The following CSMD1 variants were observed in gnomAD, a reference collection of about 807,000 sequenced individuals.
The protein encoded by CSMD1 is CUB and Sushi multiple domains 1, also known as CUB and sushi domain-containing protein 1.
CSMD1 carries 213 observed loss-of-function variants against 417.5 expected under a neutral mutation model. The ratio of observed to expected loss-of-function variants is 0.51; its 90% confidence interval spans 0.46 to 0.57. The LOEUF is 0.57. CSMD1 is among the 20% of genes least tolerant of loss of function. The probability of loss-of-function intolerance (pLI) is 0.00; values close to 1 mark genes in which losing one functional copy is unlikely to be tolerated. For missense variants in CSMD1, 6,923 were observed against 4,529.7 expected, an observed-to-expected ratio of 1.53 and a Z score of -15.17; for synonymous variants, 2,862 against 1,736.8, an observed-to-expected ratio of 1.65 and a Z score of -16.11.
intron 40 of CSMD1, among the ~76,000 whole-genome samples, chr8:3,150,973 A>G (rs938862583): frequency 6.6e-6 from 1 of 152,328 alleles, no homozygotes; most frequent in Non-Finnish European, 1.5e-5. Flanking sequence ...TGTATAAAAC[A>G]ATACTATTTC....
chr8:3,936,867 G>A (rs547569782), intron 5 of CSMD1, among the ~76,000 whole-genome samples: 1 of 152,100 alleles, frequency 6.6e-6, no homozygotes. Context: ...AGCTAGACAA[G>A]GTAAAACAAA....
chr8:3,702,902 G>C (rs1194162451), intron 7 of CSMD1, among the ~76,000 whole-genome samples: 1 of 152,170 alleles, frequency 6.6e-6, no homozygotes, highest in Non-Finnish European at 1.5e-5. Flanking sequence ...TCAGAATAAA[G>C]AGCAGTTCAC....
chr8:4,031,807 T>G, intron 4 of CSMD1, 98 bp downstream of exon 4: 1 of 870,864 alleles, frequency 1.1e-6, no homozygotes, highest in Non-Finnish European at 1.7e-6. Context: ...CAGCTCAACA[T>G]GTATTATTTT....
chr8:4,282,257 T>C (rs1295952770), intron 3 of CSMD1, among the ~76,000 whole-genome samples: 1 of 152,172 alleles, frequency 6.6e-6, no homozygotes, highest in Non-Finnish European at 1.5e-5. Context: ...GTGAATATAA[T>C]CCATGTGAAC....
At chr8:4,490,720 A>G (rs1801655792) in intron 2 of CSMD1, among the ~76,000 whole-genome samples, 1 of 152,194 alleles carries the variant, frequency 6.6e-6, no homozygotes, top group Admixed American at 6.5e-5. Context: ...ATGGGAGACA[A>G]CAGAGGCCAG....
chr8:3,585,422 C>T (rs1251100172), intron 9 of CSMD1, among the ~76,000 whole-genome samples: 2 of 151,998 alleles, frequency 1.3e-5, no homozygotes, highest in Non-Finnish European at 2.9e-5. Flanking sequence ...CATTTTATGG[C>T]CAAAATTCAA....
intron 2 of CSMD1, among the ~76,000 whole-genome samples, chr8:4,438,339 G>A (rs1394550679): frequency 4.6e-5 from 7 of 152,176 alleles, no homozygotes; most frequent in Admixed American, 2.0e-4. Context: ...TCCAGTCTCT[G>A]AACTCTGTCC....
At chr8:4,788,074 A>G (rs879044765) in intron 1 of CSMD1, 8 of 1,600,560 alleles carry the variant, frequency 5.0e-6, no homozygotes, top group African/African-American at 1.3e-5. Flanking sequence ...GTTGCAGAGA[A>G]AGTAGAGTTG....
At chr8:3,565,748 G>C (rs1028876799) in intron 10 of CSMD1, among the ~76,000 whole-genome samples, 2 of 152,050 alleles carry the variant, frequency 1.3e-5, no homozygotes, top group African/African-American at 4.8e-5. Flanking sequence ...TGTTCATTAA[G>C]AAACGTGTAG....
At chr8:4,154,584 G>A (rs983984944) in intron 3 of CSMD1, among the ~76,000 whole-genome samples, 1 of 152,004 alleles carries the variant, frequency 6.6e-6, no homozygotes, top group Admixed American at 6.6e-5. Flanking sequence ...AAGAGGTGAG[G>A]TCTTTGGCAA....
chr8:3,727,682 A>T (rs1195823764), intron 6 of CSMD1, among the ~76,000 whole-genome samples: 1 of 152,230 alleles, frequency 6.6e-6, no homozygotes, highest in Non-Finnish European at 1.5e-5. Flanking sequence ...TTAAAACAGC[A>T]TTATTTACAA....
At chr8:4,106,122 A>G (rs1441859756) in intron 3 of CSMD1, among the ~76,000 whole-genome samples, 1 of 152,216 alleles carries the variant, frequency 6.6e-6, no homozygotes, top group Non-Finnish European at 1.5e-5. Context: ...GTGGAGGGAA[A>G]GTGACCATCG....
chr8:4,075,994 G>C (rs1799801304), intron 3 of CSMD1, among the ~76,000 whole-genome samples: 1 of 152,232 alleles, frequency 6.6e-6, no homozygotes. Flanking sequence ...CTTTCTCTGG[G>C]AGGGTGGAGG....
chr8:3,999,871 G>A (rs1378659793), intron 4 of CSMD1, among the ~76,000 whole-genome samples: 1 of 152,142 alleles, frequency 6.6e-6, no homozygotes, highest in Non-Finnish European at 1.5e-5. Context: ...TGACGTTGTG[G>A]AAAGGGCTGC....
intron 3 of CSMD1, among the ~76,000 whole-genome samples, chr8:4,256,307 C>T (rs910445094): frequency 5.9e-5 from 9 of 152,290 alleles, no homozygotes; most frequent in African/African-American, 2.2e-4. Context: ...AAATGTACAA[C>T]AATTTTGCAG....
intron 41 of CSMD1, among the ~76,000 whole-genome samples, chr8:3,119,268 T>C (rs1212800814): frequency 6.6e-6 from 1 of 151,882 alleles, no homozygotes; most frequent in Non-Finnish European, 1.5e-5. Context: ...TCCCTTTTAT[T>C]TTAAATAGGA....
intron 7 of CSMD1, chr8:3,700,592 CATG>C (rs1000952712): frequency 1.6e-4 from 24 of 152,238 alleles, no homozygotes; most frequent in African/African-American, 5.8e-4. Context: ...GCTCAAGATA[CATG>C]ATATTTAGTT....
intron 10 of CSMD1, among the ~76,000 whole-genome samples, chr8:3,523,829 G>C (rs561438633): frequency 8.2e-6 from 1 of 122,680 alleles, no homozygotes; most frequent in Non-Finnish European, 1.7e-5. Context: ...ACATATGCAT[G>C]CACACCCAGA....
intron 3 of CSMD1, among the ~76,000 whole-genome samples, chr8:4,359,693 G>A (rs1376681354): frequency 2.6e-5 from 4 of 152,168 alleles, no homozygotes; most frequent in Non-Finnish European, 4.4e-5. Context: ...AGCCCTCTGG[G>A]TTTTAGTGTG....
Sources: allele counts gnomAD v4.1 joint callset (sites outside exome capture counted in the v4.1 genomes callset), GRCh38; gene constraint gnomAD v4.1.1; transcripts MANE v1.5; gene names NCBI Gene and HGNC (gene_info 2026-07-23, HGNC 2026-07-21).